Variants in OPLAH observed in about 807,000 individuals in gnomAD.
OPLAH encodes 5-oxoprolinase.
A neutral mutation model predicts 122.8 loss-of-function variants in OPLAH; 103 were observed. The observed-to-expected ratio is 0.84, with a 90% CI of 0.71 to 0.99. The LOEUF is 0.99. Among genes scored for constraint, OPLAH ranks in the 50% least tolerant of loss-of-function variants. The pLI is 0.00. For synonymous variants in OPLAH, 875 were observed against 796.0 expected (o/e 1.10, Z -1.67); for missense variants, 1,902 against 1,836.5 (o/e 1.04, Z -0.65).
rs113008839 is a variant in OPLAH, at chr8:144,056,101, C to A, written c.2096+46G>T. Reference sequence around the variant, plus strand: ...AGAGAACCCTGCACCAGGGGCCCCGCAGTGGACCCGTCCACATCCTCCACC... The same window carrying A: ...AGAGAACCCTGCACCAGGGGCCCCGAAGTGGACCCGTCCACATCCTCCACC... On this transcript the variant is annotated intron_variant, in intron 15 of 26. Transcript: ENST00000618853. 9,179 of 1,566,188 alleles carry A rather than the reference C, an allele frequency of 5.9e-3. 78 individuals carry two copies. The highest frequency in any genetic ancestry group is 0.029 in the South Asian group (2,559 of 88,570).
chr8:144,054,908 C>T lies in OPLAH; in HGVS notation c.2415G>A (p.Gln805=). The T allele has an allele frequency of 6.3e-7, 1 of 1,596,892 alleles. No homozygotes were observed. The highest frequency in any genetic ancestry group is 1.1e-5 in the South Asian group (1 of 90,420). The change falls in exon 18 of 27, where the codon CAG becomes CAA. Residue 805 remains glutamine, a synonymous_variant. Transcript: ENST00000618853. The part of the protein sequence containing the change: ...AMQETVQFQI[Q]HLGADLHPGD... ...CAGGGTGGAGATCGGCCCCCAGGTG[C>T]TGAATCTGAAACCAGGAGATGGGTG...
chr8:144,052,833 GC>G lies in OPLAH; in HGVS notation c.3085del (p.Ala1029ProfsTer2). 2 of 1,556,756 alleles carry G rather than the reference GC, an allele frequency of 1.3e-6. No individual in the cohort carries two copies. The highest frequency in any genetic ancestry group is 1.7e-6 in the Non-Finnish European group (2 of 1,151,004). Reference protein sequence around the residue: ...EVFGNLNAPRAVTLSALIYCL... With the variant: ...EVFGNLNAPRXVTLSALIYCL... ...GTAGATGAGGGCGGACAGGGTTACG[GC>G]CCGCGGTGCGTTGAGATTACCAAAC... On this transcript the variant is annotated frameshift_variant, in exon 22 of 27. Coordinates refer to ENST00000618853, the MANE Select transcript of OPLAH (RefSeq NM_017570.5). LOFTEE classifies it high-confidence loss of function.
Position 144,057,451 on chromosome 8 carries a change from C to A in OPLAH, c.1419G>T (p.Thr473=). Residue 473 remains threonine, a synonymous_variant, in exon 10 of 27, where the codon ACG becomes ACT. Coordinates refer to ENST00000618853, the MANE Select transcript of OPLAH (RefSeq NM_017570.5). ...EAMCRPIRAL[T]QARGHDPSAH... ...GGGAGAGCAGAGGTGGACGTACCTG[C>A]GTGAGTGCACGGATGGGCCGGCACA... 6.3e-7 allele frequency: 1 copy of A among 1,584,178 alleles called. No homozygotes were observed. The highest frequency in any genetic ancestry group is 8.6e-7 in the Non-Finnish European group (1 of 1,165,382).
chr8:144,053,581 G>A (rs782240663), intron 19 of OPLAH, among the ~76,000 whole-genome samples, 188 bp from the exon 20 acceptor site: 7 of 152,088 alleles, frequency 4.6e-5, no homozygotes, highest in Non-Finnish European at 7.4e-5. Flanking sequence ...CAGCCACAAG[G>A]CCCTCTGCAG....
At chr8:144,056,110 C>T (rs782446504) in intron 15 of OPLAH, 37 bp downstream of exon 15, 5 of 1,576,866 alleles carry the variant, frequency 3.2e-6, no homozygotes, top group African/African-American at 2.7e-5. Flanking sequence ...GCAGTGGACC[C>T]GTCCACATCC....
At position 144,059,030 on chromosome 8, in the gene OPLAH, T is replaced by A. The variant is rs1554760266; in HGVS notation, c.413A>T (p.Glu138Val). Residue 138 changes from glutamate to valine, a missense_variant, in exon 4 of 27, where the codon GAA becomes GTA. Glu to Val is a moderately radical substitution (Grantham distance 121). This residue lies in a region of OPLAH where 1,726 missense variants were observed against 1,642.1 expected (regional missense o/e 1.05). Coordinates refer to ENST00000618853, the MANE Select transcript of OPLAH (RefSeq NM_017570.5). ...VLYEEVLEVD[E>V]RVVLHRGEAG... is the part of the protein sequence containing the mutation. ...CTCTCCACGGTGCAGCACCACGCGT[T>A]CGTCCACCTCCAGCACCTCTTCATA... The A allele has an allele frequency of 1.9e-6, 3 of 1,589,938 alleles. No homozygotes were observed. The African/African-American group carries it at 4.0e-5, about 21-fold the overall frequency.
rs1012678816 is a variant in OPLAH, at chr8:144,056,038, G to T, written c.2097-99C>A. The stretch of plus-strand genomic sequence containing the variant: ...GGCCAGGGGCCACCCCAACGATGGT[G>T]GGATACAGAGTCCTGCAGGCCCCTG... On this transcript the variant is annotated intron_variant, in intron 15 of 26. Coordinates refer to ENST00000618853, the MANE Select transcript of OPLAH (RefSeq NM_017570.5). 25 of 1,500,574 alleles carry T rather than the reference G, an allele frequency of 1.7e-5. No individual in the cohort carries two copies. The South Asian group carries it at 3.2e-4, about 19-fold the overall frequency. 93.0% of individuals were successfully genotyped at this position (1,500,574 alleles called of 1,614,324 possible). A position where few individuals can be genotyped will look rare whatever the true frequency, so the allele number is the denominator to read the frequency against.
chr8:144,053,453 G>C, intron 19 of OPLAH, 60 bp from the exon 20 acceptor site: 1 of 1,507,922 alleles, frequency 6.6e-7, no homozygotes, highest in Non-Finnish European at 8.9e-7. Flanking sequence ...CCCAACCCAG[G>C]TTTCCCAGAT....
In OPLAH at chr8:144,057,495, G is replaced by C; in HGVS notation, c.1375C>G (p.Arg459Gly). 1 of 1,596,810 alleles carries C rather than the reference G, an allele frequency of 6.3e-7. No homozygotes were observed. Among genetic ancestry groups the C allele is most frequent in the Non-Finnish European group, 8.5e-7 (1 of 1,172,426 alleles). Reference protein sequence around the residue: ...SLEEVAMGFVRVANEAMCRPI... With the variant: ...SLEEVAMGFVGVANEAMCRPI... ...CGGCACATGGCCTCGTTGGCCACGC[G>C]CACGAACCCCATGGCCACCTCCTCC... The change falls in exon 10 of 27, where the codon CGC (arginine) becomes GGC (glycine). Residue 459 changes from arginine (R) to glycine (G), a missense_variant. Arg to Gly is a moderately radical substitution (Grantham distance 125, BLOSUM62 -2). This residue lies in a region of OPLAH where 1,726 missense variants were observed against 1,642.1 expected (regional missense o/e 1.05). Coordinates refer to ENST00000618853, the MANE Select transcript of OPLAH (RefSeq NM_017570.5).
At chr8:144,060,449 G>T (rs1305400403) in intron 1 of OPLAH, among the ~76,000 whole-genome samples, 4 of 152,212 alleles carry the variant, frequency 2.6e-5, no homozygotes, top group Non-Finnish European at 5.9e-5. Flanking sequence ...CTGGCCGGGG[G>T]ACCCCACTTC....
At position 144,052,643 on chromosome 8, in the gene OPLAH, G is replaced by T. The variant is rs372326011; in HGVS notation, c.3154-45C>A. The T allele has an allele frequency of 1.9e-6, 3 of 1,553,014 alleles. No individual in the cohort carries two copies. In the Admixed American group the frequency reaches 5.6e-5, roughly 29 times the overall value. ...CTCAGGAGCTCTTGGGGTGGGCTCC[G>T]GGAGAAACAGCACCCCACCCCCCGC... is the stretch of plus-strand genomic sequence containing the variant. On this transcript the variant is annotated intron_variant, in intron 22 of 26. Coordinates refer to ENST00000618853, the MANE Select transcript of OPLAH (RefSeq NM_017570.5).
At position 144,051,903 on chromosome 8, in the gene OPLAH, G is replaced by A. The variant is rs782737731; in HGVS notation, c.3622+13C>T. The stretch of plus-strand genomic sequence containing the variant: ...GGGGCGGGGAGGGCCGCGAGGGCTG[G>A]GGAACCGCGCACCGTGGAGCCCGTA... On this transcript the variant is annotated intron_variant, in intron 25 of 26. Transcript: ENST00000618853. The A allele has an allele frequency of 1.8e-5, 27 of 1,530,636 alleles. No homozygotes were observed. In the East Asian group the frequency reaches 6.6e-4, roughly 38 times the overall value. 94.8% of individuals were successfully genotyped at this position (1,530,636 alleles called of 1,614,324 possible).
chr8:144,054,630 T>C lies in OPLAH; in HGVS notation c.2617A>G (p.Met873Val). ...AAGACGGCACCCTCCTGTTGCAGCATGGTGGAGTGGGGGGGCATGGAGCCT... is the reference window on the plus strand; with the variant it reads ...AAGACGGCACCCTCCTGTTGCAGCACGGTGGAGTGGGGGGGCATGGAGCCT... ...TPGSMPPHST[M>V]LQQEGAVFLS... The change falls in exon 19 of 27, where the codon ATG becomes GTG. Residue 873 changes from methionine to valine, a missense_variant. Physicochemically the swap from Met to Val is conservative, Grantham distance 21. Transcript: ENST00000618853. The C allele has an allele frequency of 1.2e-6, 2 of 1,611,116 alleles. No individual in the cohort carries two copies. The highest frequency in any genetic ancestry group is 1.7e-6 in the Non-Finnish European group (2 of 1,178,544).
rs1263170498 is a variant in OPLAH, at chr8:144,058,855, G to A, written c.505C>T (p.Leu169=). 7 of 1,571,220 alleles carry A rather than the reference G, an allele frequency of 4.5e-6. No homozygotes were observed. The East Asian group carries it at 1.4e-4, about 32-fold the overall frequency. Residue 169 remains leucine, a synonymous_variant, in exon 5 of 27, where the codon CTG becomes TTG. Coordinates refer to ENST00000618853, the MANE Select transcript of OPLAH (RefSeq NM_017570.5). ...TCCAGCTTCCCACGCAGGGCCCCCA[G>A]GTCCACAGGCTGCTGCACTTCCAGC... ...DLLEVQQPVD[L]GALRGKLEGL...
chr8:144,057,580 C>T lies in OPLAH; in HGVS notation c.1290G>A (p.Val430=). Residue 430 remains valine (V), a synonymous_variant, in exon 10 of 27, where the codon GTG becomes GTA. Transcript: ENST00000618853. The stretch of plus-strand genomic sequence containing the variant: ...TCAGGAAGCTGTTGACCTCAGTGGC[C>T]ACAGCCTCCAGGGCTTTGCGGGAGG... ...PEASRKALEA[V]ATEVNSFLTN... is the part of the protein sequence containing the mutation. 6.3e-7 allele frequency: 1 copy of T among 1,582,280 alleles called. No individual in the cohort carries two copies. Among genetic ancestry groups the T allele is most frequent in the Non-Finnish European group, 8.6e-7 (1 of 1,163,906 alleles).
In OPLAH at chr8:144,053,313, G is replaced by C. The variant is rs1554758213; in HGVS notation, c.2767C>G (p.Leu923Val). 1.9e-6 allele frequency: 3 copies of C among 1,612,974 alleles called. No individual in the cohort carries two copies. The highest frequency in any genetic ancestry group is 2.5e-6 in the Non-Finnish European group (3 of 1,179,816). ...TGGTTGGCTGCCACCTGGGCACGGA[G>C]GTCCGACAGGTTGTCGTGCAGGTTT... ...TRNLHDNLSD[L>V]RAQVAANQKG... is the part of the protein sequence containing the mutation. Residue 923 changes from leucine to valine, a missense_variant, in exon 20 of 27, where the codon CTC (leucine) becomes GTC (valine). Physicochemically the swap from Leu to Val is conservative, Grantham distance 32. Transcript: ENST00000618853.
intron 14 of OPLAH, 44 bp downstream of exon 14, chr8:144,056,341 T>G: frequency 6.3e-7 from 1 of 1,594,394 alleles, no homozygotes; most frequent in Non-Finnish European, 8.6e-7. Context: ...CCCATCCCGG[T>G]GCCCCATGGG....
chr8:144,053,457 C>T (rs1384823055), intron 19 of OPLAH, 64 bp from the exon 20 acceptor site: 5 of 1,493,826 alleles, frequency 3.3e-6, no homozygotes, highest in Non-Finnish European at 4.5e-6. Flanking sequence ...ACCCAGGTTT[C>T]CCAGATCCAG....
At chr8:144,059,222 A>G in intron 3 of OPLAH, 143 bp from the exon 4 acceptor site, 1 of 704,344 alleles carries the variant, frequency 1.4e-6, no homozygotes, top group Non-Finnish European at 2.4e-6. Flanking sequence ...CAGCCCCAGC[A>G]AGGCTCACCA....
Sources: gnomAD v4.1 joint callset for allele counts (sites outside exome capture counted in the v4.1 genomes callset) on GRCh38, gnomAD v4.1.1 for gene constraint, gnomAD v4.1.1 regional missense constraint, MANE v1.5 for transcripts, NCBI Gene and HGNC (gene_info 2026-07-23, HGNC 2026-07-21) for gene names.